The following NAALADL2 variants were observed in gnomAD, a reference collection of about 807,000 sequenced individuals.
NAALADL2 encodes N-acetylated alpha-linked acidic dipeptidase like 2, also known as inactive N-acetylated-alpha-linked acidic dipeptidase-like protein 2.
A neutral mutation model predicts 87.2 loss-of-function variants in NAALADL2; 76 were observed. The ratio of observed to expected loss-of-function variants is 0.87; its 90% CI spans 0.72 to 1.05. The LOEUF (loss-of-function observed/expected upper bound fraction) is 1.05, where lower values mean the gene tolerates loss of function less well. Ranked by LOEUF, NAALADL2 falls within the 50% of genes least tolerant of loss-of-function variation. NAALADL2 has a pLI of 0.00. For missense variants in NAALADL2, 1,089 were observed against 945.8 expected, an observed-to-expected ratio of 1.15 and a Z score of -1.99; for synonymous variants, 354 against 331.0, an observed-to-expected ratio of 1.07 and a Z score of -0.75.
intron 2 of NAALADL2, among the ~76,000 whole-genome samples, chr3:174,591,062 C>T (rs750018894): frequency 6.6e-6 from 1 of 152,088 alleles, no homozygotes; most frequent in Non-Finnish European, 1.5e-5. Flanking sequence ...CAAGAGGGGA[C>T]CCCCTGATTC....
intron 5 of NAALADL2, among the ~76,000 whole-genome samples, chr3:175,341,851 G>T (rs1199341603): frequency 1.3e-5 from 2 of 152,004 alleles, no homozygotes; most frequent in Non-Finnish European, 1.5e-5. Context: ...TTTGTATATG[G>T]TATGATGTAG....
intron 5 of NAALADL2, among the ~76,000 whole-genome samples, chr3:175,364,314 T>C (rs1316715295): frequency 6.8e-6 from 1 of 147,830 alleles, no homozygotes; most frequent in Non-Finnish European, 1.5e-5. Context: ...AGTTCCACTT[T>C]AAGACCATCA....
chr3:175,094,113 T>G (rs1406287087), intron 1 of NAALADL2, among the ~76,000 whole-genome samples: 1 of 129,560 alleles, frequency 7.7e-6, no homozygotes, highest in Non-Finnish European at 1.8e-5. Flanking sequence ...AGCTCTACGA[T>G]TCAATGTTTT....
At position 175,128,878 on chromosome 3, in the gene NAALADL2, T is replaced by G. The variant is rs1309451399; in HGVS notation, c.545+31587T>G. 2.0e-5 allele frequency among the ~76,000 whole-genome samples: 3 copies of G among 152,132 alleles called. No homozygotes were observed. The East Asian group carries it at 5.8e-4, about 29-fold the overall frequency. On this transcript the variant is annotated intron_variant, in intron 2 of 13. Coordinates refer to ENST00000454872, the MANE Select transcript of NAALADL2 (RefSeq NM_207015.3). ...ACAAAAAATGTATATATTCAAGATG[T>G]ACCACATGATGATTTGAGCTATGTA...
At chr3:174,628,480 A>C (rs1023090275) in intron 2 of NAALADL2, among the ~76,000 whole-genome samples, 1 of 150,878 alleles carries the variant, frequency 6.6e-6, no homozygotes, top group Non-Finnish European at 1.5e-5. Flanking sequence ...GTCTCAAAAA[A>C]AAAAAAAAAA....
At chr3:175,092,159 T>C (rs1396515745) in intron 1 of NAALADL2, among the ~76,000 whole-genome samples, 1 of 150,868 alleles carries the variant, frequency 6.6e-6, no homozygotes, top group Non-Finnish European at 1.5e-5. Context: ...GTGGTACTGT[T>C]ATTATTTCTG....
chr3:174,883,739 AG>A (rs764715586), intron 1 of NAALADL2, among the ~76,000 whole-genome samples: 1 of 152,164 alleles, frequency 6.6e-6, no homozygotes, highest in Non-Finnish European at 1.5e-5. Context: ...CTTTGCCTTC[AG>A]CAAGCACCTC....
intron 3 of NAALADL2, among the ~76,000 whole-genome samples, chr3:174,751,683 A>G (rs964258520): frequency 2.1e-5 from 3 of 143,586 alleles, no homozygotes; most frequent in Admixed American, 6.9e-5. Context: ...AAAAAAAGTT[A>G]TTAATGGATT....
intron 2 of NAALADL2, among the ~76,000 whole-genome samples, chr3:174,595,652 A>G (rs1286859085): frequency 6.6e-6 from 1 of 152,044 alleles, no homozygotes; most frequent in Non-Finnish European, 1.5e-5. Context: ...TCCACTATAA[A>G]TTGGCAGCTT....
intron 2 of NAALADL2, among the ~76,000 whole-genome samples, chr3:175,107,496 G>C (rs1319090756): frequency 6.9e-6 from 1 of 145,772 alleles, no homozygotes; most frequent in African/African-American, 2.6e-5. Context: ...TCATACACAA[G>C]CACGAACACA....
At chr3:175,116,167 T>C (rs6767074) in intron 2 of NAALADL2, among the ~76,000 whole-genome samples, 80,928 of 151,690 alleles carry the variant, frequency 0.53, 21,633 homozygotes, top group East Asian at 0.62. Flanking sequence ...CTTTGAAAAC[T>C]GGCACAAGAC....
intron 5 of NAALADL2, among the ~76,000 whole-genome samples, chr3:175,438,567 C>G (rs1286671160): frequency 6.6e-6 from 1 of 151,976 alleles, no homozygotes; most frequent in Non-Finnish European, 1.5e-5. Flanking sequence ...GTTTTAAAAT[C>G]TCAGTTTTTT....
intron 9 of NAALADL2, among the ~76,000 whole-genome samples, chr3:175,510,164 C>T (rs751855798): frequency 3.6e-4 from 54 of 152,018 alleles, no homozygotes; most frequent in Non-Finnish European, 6.0e-4. Flanking sequence ...GAGAAGTGTG[C>T]GAGCCGAGTG....
chr3:174,833,879 C>T (rs931432954), intron 3 of NAALADL2, among the ~76,000 whole-genome samples: 25 of 149,522 alleles, frequency 1.7e-4, no homozygotes, highest in Middle Eastern at 3.8e-3. Flanking sequence ...AATATCACAC[C>T]AAAATTGAAA....
At chr3:174,772,345 T>C (rs1192413821) in intron 3 of NAALADL2, among the ~76,000 whole-genome samples, 1 of 152,152 alleles carries the variant, frequency 6.6e-6, no homozygotes, top group Non-Finnish European at 1.5e-5. Flanking sequence ...TCACTGTGGT[T>C]TTATTTTTAA....
intron 5 of NAALADL2, among the ~76,000 whole-genome samples, chr3:175,392,295 T>C (rs1769177422): frequency 6.6e-6 from 1 of 152,250 alleles, no homozygotes; most frequent in African/African-American, 2.4e-5. Flanking sequence ...GTTAAAGCTG[T>C]GGTCTACAAA....
At chr3:175,535,878 T>G (rs1315189962) in intron 9 of NAALADL2, among the ~76,000 whole-genome samples, 1 of 152,230 alleles carries the variant, frequency 6.6e-6, no homozygotes, top group Non-Finnish European at 1.5e-5. Context: ...ATATAAGTGC[T>G]TTGTATATAG....
chr3:175,804,800 A>AT lies in NAALADL2; in HGVS notation c.*1602dup, dbSNP rs1754560538. ...GGTTCAACACTGTCTACCCTAAATA[A>AT]TTTTTATATGCTCAAGGCAAAGCAG... On this transcript the variant is annotated 3_prime_UTR_variant, in exon 14 of 14. Transcript: ENST00000454872. 1 of 151,882 alleles carries AT rather than the reference A, an allele frequency of 6.6e-6. No homozygotes were observed. Among genetic ancestry groups the AT allele is most frequent in the Admixed American group, 6.6e-5 (1 of 15,198 alleles). The allele number at this position is 151,882 out of a possible 1,614,324, so 9.4% of individuals were successfully genotyped here. A position where few individuals can be genotyped will look rare whatever the true frequency, so the allele number is the denominator to read the frequency against.
intron 4 of NAALADL2, among the ~76,000 whole-genome samples, chr3:175,310,037 T>C (rs1758169617): frequency 1.3e-5 from 2 of 152,322 alleles, no homozygotes; most frequent in Admixed American, 6.5e-5. Context: ...AATGTACTAC[T>C]AGTAGCTTAT....
Sources: allele counts gnomAD v4.1 joint callset (sites outside exome capture counted in the v4.1 genomes callset), GRCh38; gene constraint gnomAD v4.1.1; transcripts MANE v1.5; gene names NCBI Gene and HGNC (gene_info 2026-07-23, HGNC 2026-07-21).